The following DNAH6 variants were observed in gnomAD, a reference collection of about 807,000 sequenced individuals.
DNAH6 encodes the protein axonemal beta dynein heavy chain 6.
Under a neutral mutation model 491.4 loss-of-function variants are expected in DNAH6, and 340 were observed. The ratio of observed to expected loss-of-function variants is 0.69; its 90% CI spans 0.63 to 0.76. DNAH6 has a LOEUF of 0.76. DNAH6 is among the 30% of genes least tolerant of loss of function. DNAH6 has a pLI of 0.00. For missense variants in DNAH6, 4,443 were observed against 4,972.2 expected, an observed-to-expected ratio of 0.89 and a Z score of 3.20; for synonymous variants, 1,603 against 1,686.1, an observed-to-expected ratio of 0.95 and a Z score of 1.21.
intron 29 of DNAH6, among the ~76,000 whole-genome samples, chr2:84,625,553 C>T (rs1283956647): frequency 3.9e-5 from 6 of 152,016 alleles, no homozygotes; most frequent in African/African-American, 1.4e-4. Context: ...AGCTTTTGTT[C>T]ATATGGGTTA....
chr2:84,660,674 G>A (rs1345732089), intron 37 of DNAH6, among the ~76,000 whole-genome samples: 1 of 151,868 alleles, frequency 6.6e-6, no homozygotes, highest in Non-Finnish European at 1.5e-5. Context: ...AATTTAACTA[G>A]CATCAAGGCA....
the DNAH6 span, among the ~76,000 whole-genome samples, chr2:84,475,561 A>G: frequency 1.3e-5 from 2 of 152,178 alleles, no homozygotes; most frequent in Non-Finnish European, 2.9e-5. Context: ...GAAACGGGGC[A>G]TATTCTTTTC....
rs1558954497 is a variant in DNAH6, at chr2:84,718,365, A to G, written c.9773A>G (p.Asp3258Gly). The G allele has an allele frequency of 6.5e-7, 1 of 1,540,304 alleles. No individual in the cohort carries two copies. The highest frequency in any genetic ancestry group is 8.7e-7 in the Non-Finnish European group (1 of 1,143,860). ...GNILDNEELI[D>G]TLQDSKITSG... ...ATTCTGGACAATGAAGAACTTATTG[A>G]CACACTCCAGGATTCAAAGGCAAGT... The change falls in exon 59 of 77, where the codon GAC becomes GGC. Residue 3258 changes from aspartate to glycine, a missense_variant. By Grantham distance (94) the Asp-to-Gly change is moderately conservative. Coordinates refer to ENST00000389394, the MANE Select transcript of DNAH6 (RefSeq NM_001370.2).
At chr2:84,632,524 T>A (rs72922739) in intron 29 of DNAH6, among the ~76,000 whole-genome samples, 1,791 of 152,330 alleles carry the variant, frequency 0.012, 29 homozygotes, top group African/African-American at 0.039. Context: ...GGAATTTTCT[T>A]TGTTACTTCC....
intron 38 of DNAH6, 55 bp from the exon 39 acceptor site, chr2:84,670,273 T>A: frequency 1.6e-6 from 2 of 1,240,692 alleles, no homozygotes; most frequent in South Asian, 1.5e-5. Context: ...CTATTACAGA[T>A]ATAACTGAAA....
At chr2:84,811,652 G>C (rs1228915143) in intron 72 of DNAH6, among the ~76,000 whole-genome samples, 1 of 152,164 alleles carries the variant, frequency 6.6e-6, no homozygotes, top group Non-Finnish European at 1.5e-5. Context: ...CCTAAGGTCA[G>C]GAGTTCGAGA....
intron 4 of DNAH6, among the ~76,000 whole-genome samples, chr2:84,535,581 G>A: frequency 6.6e-6 from 1 of 151,406 alleles, no homozygotes. Flanking sequence ...AGCTAGGAGT[G>A]CAAGAACACA....
intron 64 of DNAH6, chr2:84,777,917 T>A: frequency 8.8e-7 from 1 of 1,132,728 alleles, no homozygotes; most frequent in Non-Finnish European, 1.3e-6. Context: ...CACGTTAGGC[T>A]GGACCAAATT....
rs544197679 is a variant in DNAH6 at position 84,685,522 on chromosome 2, A to G, written c.7063+50A>G. 5 of 1,249,004 alleles carry G rather than the reference A, an allele frequency of 4.0e-6. No individual in the cohort carries two copies. The South Asian group carries it at 6.9e-5, about 17-fold the overall frequency. 77.4% of individuals were successfully genotyped at this position (1,249,004 alleles called of 1,614,324 possible). On this transcript the variant is annotated intron_variant, in intron 43 of 76. Coordinates refer to ENST00000389394, the MANE Select transcript of DNAH6 (RefSeq NM_001370.2). ...TTTTTTTTATTTGAGTAGAAAAGCA[A>G]TTTGGTTTCTACAAAGAACAATTAA...
chr2:84,717,761 A>C (rs1697686222), intron 58 of DNAH6, among the ~76,000 whole-genome samples: 1 of 152,218 alleles, frequency 6.6e-6, no homozygotes, highest in Non-Finnish European at 1.5e-5. Flanking sequence ...CCTTTCTCAT[A>C]TGCAATCAAA....
chr2:84,609,670 T>TATAATA lies in DNAH6; in HGVS notation c.3295-1989_3295-1984dup, dbSNP rs35531519. Among the ~76,000 whole-genome samples the TATAATA allele has an allele frequency of 8.8e-4, 133 of 150,558 alleles. 1 individual carries two copies. Among genetic ancestry groups the TATAATA allele is most frequent in the Non-Finnish European group, 1.2e-3 (81 of 67,586 alleles). On this transcript the variant is annotated intron_variant, in intron 21 of 76. Coordinates refer to ENST00000389394, the MANE Select transcript of DNAH6 (RefSeq NM_001370.2). Reference sequence around the variant, plus strand: ...ACTGATCACAGATCACCATAACAGATATAATAATAATAATAATAATGTTTA... The same window carrying TATAATA: ...ACTGATCACAGATCACCATAACAGATATAATAATAATAATAATAATAATAATGTTTA...
At chr2:84,472,000 C>G in the DNAH6 span, among the ~76,000 whole-genome samples, 1 of 152,052 alleles carries the variant, frequency 6.6e-6, no homozygotes, top group Non-Finnish European at 1.5e-5. Flanking sequence ...AATCCTCTTC[C>G]CCATATAATT....
chr2:84,605,077 G>A (rs1685622000), intron 19 of DNAH6, among the ~76,000 whole-genome samples: 1 of 152,162 alleles, frequency 6.6e-6, no homozygotes, highest in African/African-American at 2.4e-5. Context: ...GCCAGGCGTG[G>A]TGGCTCATGC....
intron 23 of DNAH6, among the ~76,000 whole-genome samples, chr2:84,619,304 C>A (rs1687172309): frequency 6.6e-6 from 1 of 152,124 alleles, no homozygotes; most frequent in Non-Finnish European, 1.5e-5. Context: ...GTATTGAATA[C>A]CAGGTATGTG....
chr2:84,810,746 C>T (rs1173241166), intron 72 of DNAH6, among the ~76,000 whole-genome samples: 2 of 152,148 alleles, frequency 1.3e-5, no homozygotes, highest in African/African-American at 4.8e-5. Flanking sequence ...CAGACAGAAC[C>T]GTGGGATAGG....
chr2:84,711,156 A>G (rs1697007210), intron 56 of DNAH6, among the ~76,000 whole-genome samples: 1 of 152,206 alleles, frequency 6.6e-6, no homozygotes, highest in Admixed American at 6.5e-5. Flanking sequence ...GATAGTCACC[A>G]ATGGATAGGC....
intron 60 of DNAH6, 74 bp downstream of exon 60, chr2:84,722,878 C>A: frequency 1.1e-6 from 1 of 933,212 alleles, no homozygotes; most frequent in South Asian, 2.1e-5. Context: ...CTTCTTGCTT[C>A]ACATAAGCCA....
intron 64 of DNAH6, among the ~76,000 whole-genome samples, chr2:84,769,085 A>G (rs1308729421): frequency 6.6e-6 from 1 of 152,252 alleles, no homozygotes; most frequent in African/African-American, 2.4e-5. Flanking sequence ...TGTAAAAGGT[A>G]CAATTGCCCT....
intron 55 of DNAH6, among the ~76,000 whole-genome samples, chr2:84,710,083 C>T (rs774590312): frequency 6.6e-6 from 1 of 152,328 alleles, no homozygotes; most frequent in Non-Finnish European, 1.5e-5. Context: ...TTCTTTATTT[C>T]TTCCACATCT....
Sources: allele counts gnomAD v4.1 joint callset (sites outside exome capture counted in the v4.1 genomes callset), GRCh38; gene constraint gnomAD v4.1.1; transcripts MANE v1.5; gene names NCBI Gene and HGNC (gene_info 2026-07-23, HGNC 2026-07-21).